Variants in CALN1 observed in about 807,000 individuals in gnomAD.
CALN1 encodes calcium-binding protein 8.
Under a neutral mutation model 30.6 loss-of-function variants are expected in CALN1, and 17 were observed. The ratio of observed to expected loss-of-function variants is 0.56; its 90% CI spans 0.38 to 0.83. The LOEUF is 0.83. Among genes scored for constraint, CALN1 ranks in the 40% least tolerant of loss-of-function variants. The probability of loss-of-function intolerance (pLI) is 0.00; values close to 1 mark genes in which losing one functional copy is unlikely to be tolerated. For synonymous variants in CALN1, 156 were observed against 131.4 expected (o/e 1.19, Z -1.28); for missense variants, 291 against 354.9 (o/e 0.82, Z 1.45).
At position 71,971,922 on chromosome 7, in the gene CALN1, C is replaced by A. The variant is rs544727522; in HGVS notation, c.501+51735G>T. 9.2e-3 allele frequency among the ~76,000 whole-genome samples: 644 copies of A among 69,810 alleles called. 4 individuals carry two copies. Among genetic ancestry groups the A allele is most frequent in the Non-Finnish European group, 0.01 (433 of 42,900 alleles). 45.8% of individuals were successfully genotyped at this position (69,810 alleles called of 152,430 possible). A position where few individuals can be genotyped will look rare whatever the true frequency, so the allele number is the denominator to read the frequency against. ...CTCCAGCCTGAGCAACAGAGTGGGA[C>A]CCTGTCTCAAAAAAAAAAAAAAAAA... On this transcript the variant is annotated intron_variant, in intron 5 of 6. Transcript: ENST00000395275.
intron 2 of CALN1, chr7:72,337,170 C>T: frequency 2.0e-6 from 2 of 985,340 alleles, no homozygotes; most frequent in Non-Finnish European, 2.4e-6. Context: ...CTCCATGCAG[C>T]TCCGGCCTCC....
chr7:72,448,730 C>T (rs1355948034), upstream of CALN1, among the ~76,000 whole-genome samples: 2 of 151,968 alleles, frequency 1.3e-5, no homozygotes, highest in Non-Finnish European at 2.9e-5. Context: ...CTCGGCCTCC[C>T]GAGTAGCTGG....
chr7:71,915,323 CA>C (rs1385484757), intron 5 of CALN1, among the ~76,000 whole-genome samples: 2 of 152,172 alleles, frequency 1.3e-5, no homozygotes, highest in Non-Finnish European at 2.9e-5. Flanking sequence ...AGAGGTGAAC[CA>C]ATTAAGTTTT....
At chr7:72,447,958 G>T (rs560552358), upstream of CALN1, among the ~76,000 whole-genome samples, 2 of 133,854 alleles carry the variant, frequency 1.5e-5, no homozygotes, top group Non-Finnish European at 3.2e-5. Context: ...GCCTGCCTAG[G>T]TATACACATG....
chr7:72,217,731 G>A (rs1332663625), intron 3 of CALN1, among the ~76,000 whole-genome samples: 2 of 151,588 alleles, frequency 1.3e-5, no homozygotes, highest in African/African-American at 4.9e-5. Context: ...TAATCCTAAT[G>A]CTATGGGAGG....
chr7:72,418,075 C>A (rs1474445915), intron 1 of CALN1, among the ~76,000 whole-genome samples: 2 of 152,186 alleles, frequency 1.3e-5, no homozygotes, highest in East Asian at 1.9e-4. Context: ...AGGTAGCAAG[C>A]ATAGTACCCA....
chr7:72,380,448 C>A (rs946927195), intron 2 of CALN1, among the ~76,000 whole-genome samples: 2 of 152,120 alleles, frequency 1.3e-5, no homozygotes, highest in African/African-American at 2.4e-5. Flanking sequence ...CATAGCAAGA[C>A]CCCGTCTCTA....
intron 2 of CALN1, among the ~76,000 whole-genome samples, chr7:72,349,281 C>CACACA (rs1216610571): frequency 9.0e-6 from 1 of 111,054 alleles, no homozygotes; most frequent in East Asian, 2.3e-4. Flanking sequence ...AACACGCGTG[C>CACACA]TTGTGTGTGT....
intron 4 of CALN1, among the ~76,000 whole-genome samples, chr7:72,061,589 A>C (rs1225716509): frequency 6.6e-6 from 1 of 152,012 alleles, no homozygotes. Context: ...GAGGTGATAG[A>C]AGAGCTAGTG....
rs34149630 is a variant in CALN1 at position 72,198,002 on chromosome 7, G to GA, written c.244+80683dup. ...GGTTTTGTAAAACTGCAGAACTCCT[G>GA]AAAAAAAAAGGTTCATTCCCTCTTT... is the stretch of plus-strand genomic sequence containing the variant. On this transcript the variant is annotated intron_variant, in intron 3 of 6. Transcript: ENST00000395275. Among the ~76,000 whole-genome samples, 77 of 150,840 alleles carry GA rather than the reference G, an allele frequency of 5.1e-4. 1 individual carries two copies. The highest frequency in any genetic ancestry group is 2.1e-4 in the Non-Finnish European group (14 of 67,614).
At chr7:72,368,340 T>C (rs1391451039) in intron 2 of CALN1, among the ~76,000 whole-genome samples, 2 of 151,498 alleles carry the variant, frequency 1.3e-5, no homozygotes, top group East Asian at 1.9e-4. Flanking sequence ...ACTTTTTACA[T>C]ATATACACAA....
At chr7:71,794,404 C>T (rs1489194679) in intron 6 of CALN1, among the ~76,000 whole-genome samples, 2 of 152,156 alleles carry the variant, frequency 1.3e-5, no homozygotes, top group Non-Finnish European at 2.9e-5. Context: ...TTTATTTACT[C>T]TTGCTGTCTA....
chr7:72,132,592 C>T (rs2129542906), intron 3 of CALN1, among the ~76,000 whole-genome samples: 1 of 152,272 alleles, frequency 6.6e-6, no homozygotes, highest in South Asian at 2.1e-4. Flanking sequence ...GCATCTTGCA[C>T]AGGCAGTGTT....
At chr7:72,247,124 T>G (rs1372878214) in intron 3 of CALN1, among the ~76,000 whole-genome samples, 1 of 150,872 alleles carries the variant, frequency 6.6e-6, no homozygotes, top group African/African-American at 2.4e-5. Flanking sequence ...CTTCCTCTAC[T>G]CACCCTATCC....
At chr7:72,166,012 CCTT>C (rs1460834160) in intron 3 of CALN1, among the ~76,000 whole-genome samples, 8 of 152,264 alleles carry the variant, frequency 5.3e-5, no homozygotes, top group African/African-American at 1.9e-4. Context: ...TTCCGAACCT[CCTT>C]CTCCTTTCTC....
At chr7:72,109,782 C>T (rs578186301) in intron 3 of CALN1, among the ~76,000 whole-genome samples, 2 of 152,308 alleles carry the variant, frequency 1.3e-5, no homozygotes, top group Admixed American at 6.5e-5. Flanking sequence ...GGCCTCCCGA[C>T]GTGAGAGTCA....
intron 3 of CALN1, among the ~76,000 whole-genome samples, chr7:72,188,212 G>GGAA (rs1262060013): frequency 6.6e-6 from 1 of 152,050 alleles, no homozygotes; most frequent in African/African-American, 2.4e-5. Context: ...ACAAAAATGT[G>GGAA]GAACCAGCCC....
intron 6 of CALN1, among the ~76,000 whole-genome samples, chr7:71,802,848 C>T (rs1034864896): frequency 9.9e-5 from 15 of 152,106 alleles, no homozygotes; most frequent in African/African-American, 3.4e-4. Flanking sequence ...CATGGTGAAA[C>T]CTTGTCTGTA....
Position 71,873,685 on chromosome 7 carries a change from G to A in CALN1, c.502-63193C>T, listed in dbSNP as rs371687183. On this transcript the variant is annotated intron_variant, in intron 5 of 6. Coordinates refer to ENST00000395275, the MANE Select transcript of CALN1 (RefSeq NM_031468.4). ...CCTGGGCTACCCACCAGACCTACGT[G>A]GGCAGAATCTTGGGGCCAGGCCCCA... Among the ~76,000 whole-genome samples the A allele has an allele frequency of 6.6e-5, 10 of 152,344 alleles. No homozygotes were observed. In the East Asian group the frequency reaches 1.9e-3, roughly 30 times the overall value.
Sources: gnomAD v4.1 joint callset for allele counts (sites outside exome capture counted in the v4.1 genomes callset) on GRCh38, gnomAD v4.1.1 for gene constraint, MANE v1.5 for transcripts, NCBI Gene and HGNC (gene_info 2026-07-23, HGNC 2026-07-21) for gene names.